The following ZNF491 variants were observed in gnomAD, a reference collection of about 807,000 sequenced individuals.
ZNF491 encodes zinc finger protein 491.
Under a neutral mutation model 34.7 loss-of-function variants are expected in ZNF491, and 22 were observed. That is an observed-to-expected ratio of 0.63 (90% confidence interval 0.45 to 0.90). The LOEUF is 0.90. ZNF491 is among the 40% of genes least tolerant of loss of function. The pLI, the probability that ZNF491 is intolerant of heterozygous loss-of-function variation, is 0.00. For synonymous variants in ZNF491, 148 were observed against 174.3 expected, an observed-to-expected ratio of 0.85 and a Z score of 1.19; for missense variants, 559 against 531.7, an observed-to-expected ratio of 1.05 and a Z score of -0.51.
intron 1 of ZNF491, among the ~76,000 whole-genome samples, chr19:11,799,662 G>T (rs1354932299): frequency 6.6e-6 from 1 of 152,040 alleles, no homozygotes; most frequent in East Asian, 1.9e-4. Flanking sequence ...ATGGCCGGGC[G>T]CGGTGGCTCA....
At chr19:11,805,899 A>G in intron 2 of ZNF491, 48 bp from the exon 3 acceptor site, 2 of 1,405,568 alleles carry the variant, frequency 1.4e-6, no homozygotes, top group Non-Finnish European at 1.9e-6. Context: ...ACAAATATTA[A>G]ATCGCTTATA....
In ZNF491 at chr19:11,798,939, G is replaced by A. The variant is rs2145094535; in HGVS notation, c.-134+212G>A. On this transcript the variant is annotated intron_variant, in intron 1 of 2. Coordinates refer to ENST00000323169, the MANE Select transcript of ZNF491 (RefSeq NM_152356.4). The surrounding 1 kb of genome is among the most constrained non-coding windows in gnomAD (Gnocchi z 4.0). Reference sequence around the variant, plus strand: ...CCCGGGCGTCCTGTCCCGTCCCTACGCGGCGACTGCGGCCCCGGCCCCGGA... The same window carrying A: ...CCCGGGCGTCCTGTCCCGTCCCTACACGGCGACTGCGGCCCCGGCCCCGGA... 6.6e-6 allele frequency among the ~76,000 whole-genome samples: 1 copy of A among 152,342 alleles called. No homozygotes were observed. The highest frequency in any genetic ancestry group is 1.5e-5 in the Non-Finnish European group (1 of 68,034).
chr19:11,800,421 C>T (rs989975787), intron 1 of ZNF491, among the ~76,000 whole-genome samples: 7 of 151,950 alleles, frequency 4.6e-5, no homozygotes, highest in Non-Finnish European at 8.8e-5. Context: ...TCCCATGCTA[C>T]ATTTGAAACA....
At chr19:11,805,212 C>T (rs1975595630) in intron 2 of ZNF491, among the ~76,000 whole-genome samples, 1 of 151,176 alleles carries the variant, frequency 6.6e-6, no homozygotes, top group African/African-American at 2.4e-5. Context: ...GAGTTCAAGA[C>T]CAGTCTGACC....
Position 11,804,593 on chromosome 19 carries a change from G to A in ZNF491, c.-82G>A. 1 of 1,544,100 alleles carries A rather than the reference G, an allele frequency of 6.5e-7. No individual in the cohort carries two copies. The highest frequency in any genetic ancestry group is 8.7e-7 in the Non-Finnish European group (1 of 1,148,770). ...TGTGAACTTCACCCAGGAGGAGTGG[G>A]CCTTGTTGAATCCTTTCCAGAAGAT... On this transcript the variant is annotated 5_prime_UTR_variant, in exon 2 of 3. Coordinates refer to ENST00000323169, the MANE Select transcript of ZNF491 (RefSeq NM_152356.4).
At chr19:11,805,373 C>T (rs1285786863) in intron 2 of ZNF491, among the ~76,000 whole-genome samples, 1 of 141,736 alleles carries the variant, frequency 7.1e-6, no homozygotes, top group East Asian at 2.1e-4. Flanking sequence ...CACGCCATGG[C>T]ACTCCAGCCT....
chr19:11,806,589 G>T lies in ZNF491; in HGVS notation c.636G>T (p.Glu212Asp). The change falls in exon 3 of 3, where the codon GAG becomes GAT. Residue 212 changes from glutamate (E) to aspartate (D), a missense_variant. Glu to Asp is a conservative substitution (Grantham distance 45). Transcript: ENST00000323169. The stretch of plus-strand genomic sequence containing the variant: ...GACATGAAAGGACACACACAGGAGA[G>T]AAGCCGTACAAATGTAAGGAATGTG... ...FRRHERTHTGEKPYKCKECGK... is the reference protein window; with the variant it reads ...FRRHERTHTGDKPYKCKECGK... The T allele has an allele frequency of 6.2e-7, 1 of 1,614,034 alleles. No individual in the cohort carries two copies. Among genetic ancestry groups the T allele is most frequent in the Non-Finnish European group, 8.5e-7 (1 of 1,180,020 alleles).
chr19:11,805,197 G>A (rs576203859), intron 2 of ZNF491, among the ~76,000 whole-genome samples: 24 of 152,136 alleles, frequency 1.6e-4, no homozygotes, highest in Non-Finnish European at 3.2e-4. Context: ...ATCACCTGAG[G>A]TCGGGAGTTC....
At chr19:11,804,805 C>T (rs1052117395) in intron 2 of ZNF491, 138 bp downstream of exon 2, 9 of 300,684 alleles carry the variant, frequency 3.0e-5, no homozygotes, top group African/African-American at 4.5e-5. Flanking sequence ...GTCCCATAAA[C>T]ATGGAATCTA....
chr19:11,802,980 CT>C (rs60046800), intron 1 of ZNF491, among the ~76,000 whole-genome samples: 1,808 of 136,610 alleles, frequency 0.013, 16 homozygotes, highest in African/African-American at 0.034. Context: ...TTTTCCTATT[CT>C]TTTTTTTTTT....
chr19:11,800,490 T>A (rs113842779), intron 1 of ZNF491, among the ~76,000 whole-genome samples: 2,228 of 151,504 alleles, frequency 0.015, 61 homozygotes, highest in African/African-American at 0.051. Flanking sequence ...AAAAATGTTA[T>A]CAACACCTCT....
At chr19:11,800,132 G>T (rs1366297182) in intron 1 of ZNF491, among the ~76,000 whole-genome samples, 1 of 152,102 alleles carries the variant, frequency 6.6e-6, no homozygotes, top group Non-Finnish European at 1.5e-5. Flanking sequence ...TAGGGAAAAG[G>T]GACTTGATTG....
At chr19:11,804,206 CAAAA>C (rs71166629) in intron 1 of ZNF491, among the ~76,000 whole-genome samples, 5 of 69,440 alleles carry the variant, frequency 7.2e-5, no homozygotes, top group Admixed American at 1.5e-4. Flanking sequence ...CCATCTCAGA[CAAAA>C]AAAAAAAAAA....
Position 11,806,266 on chromosome 19 carries a change from T to C in ZNF491, c.313T>C (p.Cys105Arg). The C allele has an allele frequency of 1.2e-6, 2 of 1,607,330 alleles. No individual in the cohort carries two copies. The highest frequency in any genetic ancestry group is 2.2e-5 in the East Asian group (1 of 44,872). The change falls in exon 3 of 3, where the codon TGT becomes CGT. Residue 105 changes from cysteine to arginine, a missense_variant. By Grantham distance (180) the Cys-to-Arg change is radical (BLOSUM62 -3). Transcript: ENST00000323169. ...RPHTREKPFD[C>R]KECEKSFISP... ...TCACACTAGAGAGAAACCTTTTGAT[T>C]GTAAGGAATGTGAAAAATCTTTCAT...
At chr19:11,801,760 CTAAGA>C (rs763052737) in intron 1 of ZNF491, among the ~76,000 whole-genome samples, 13 of 152,188 alleles carry the variant, frequency 8.5e-5, no homozygotes, top group Non-Finnish European at 1.6e-4. Context: ...TATAACTTCT[CTAAGA>C]TGAGTCATAC....
chr19:11,806,819 A>T lies in ZNF491; in HGVS notation c.866A>T (p.His289Leu). ...TACTCTCCCAGTTCATTTCAAAGGCATGAAAGAAGTCACACTGGAGAGAAA... is the reference window on the plus strand; with the variant it reads ...TACTCTCCCAGTTCATTTCAAAGGCTTGAAAGAAGTCACACTGGAGAGAAA... ...AFYSPSSFQR[H>L]ERSHTGEKPY... Residue 289 changes from histidine to leucine, a missense_variant, in exon 3 of 3, where the codon CAT becomes CTT. By Grantham distance (99) the His-to-Leu change is moderately conservative. Transcript: ENST00000323169. The T allele has an allele frequency of 5.6e-6, 9 of 1,609,362 alleles. No individual in the cohort carries two copies. Among genetic ancestry groups the T allele is most frequent in the Non-Finnish European group, 7.6e-6 (9 of 1,178,126 alleles).
intron 2 of ZNF491, among the ~76,000 whole-genome samples, chr19:11,805,136 G>A (rs980609535): frequency 5.3e-5 from 8 of 152,280 alleles, no homozygotes; most frequent in Admixed American, 2.6e-4. Flanking sequence ...TCAGCTGGCC[G>A]TGGTGGCTCA....
rs1298749837 is a variant in ZNF491 at position 11,806,034 on chromosome 19, C to A, written c.81C>A (p.Asn27Lys). ...TFTQVPEDML[N>K]KKTLPGVKSC... ...CCCAGGTTCCGGAAGACATGCTGAA[C>A]AAGAAAACTCTTCCTGGAGTAAAAT... Residue 27 changes from asparagine to lysine, a missense_variant, in exon 3 of 3, where the codon AAC (asparagine) becomes AAA (lysine). Transcript: ENST00000323169. The A allele has an allele frequency of 3.7e-6, 6 of 1,613,678 alleles. No homozygotes were observed. In the South Asian group the frequency reaches 5.5e-5, roughly 15 times the overall value.
At chr19:11,804,019 A>G (rs548470358) in intron 1 of ZNF491, among the ~76,000 whole-genome samples, 1 of 152,240 alleles carries the variant, frequency 6.6e-6, no homozygotes, top group Non-Finnish European at 1.5e-5. Context: ...CCTGACCAAC[A>G]TGGTGAAACC....
Sources: gnomAD v4.1 joint callset for allele counts (sites outside exome capture counted in the v4.1 genomes callset) on GRCh38, gnomAD v4.1.1 for gene constraint, Gnocchi (gnomAD v3.1) non-coding constraint, MANE v1.5 for transcripts, NCBI Gene and HGNC (gene_info 2026-07-23, HGNC 2026-07-21) for gene names.